Variants in TOGARAM1 observed in about 807,000 individuals in gnomAD.
TOGARAM1 encodes the protein TOG array regulator of axonemal microtubules 1.
In TOGARAM1, 100 loss-of-function variants were observed where a neutral mutation model predicts 166.6. That is an observed-to-expected ratio of 0.60 (90% CI 0.51 to 0.71). The LOEUF is 0.71. Among genes scored for constraint, TOGARAM1 ranks in the 30% least tolerant of loss-of-function variants. The pLI is 0.00. For synonymous variants in TOGARAM1, 758 were observed against 763.8 expected, an observed-to-expected ratio of 0.99 and a Z score of 0.13; for missense variants, 2,029 against 2,102.7, an observed-to-expected ratio of 0.96 and a Z score of 0.69.
rs369456010 is a variant in TOGARAM1, at chr14:45,011,366, G to A, written c.3138-609G>A. ...CTCACTGTGTCACTCAGGCTGGAGT[G>A]TAGTAGTTCAATCTCAGCTCACTGC... is the stretch of plus-strand genomic sequence containing the variant. On this transcript the variant is annotated intron_variant, in intron 6 of 19. Coordinates refer to ENST00000361462, the MANE Select transcript of TOGARAM1 (RefSeq NM_001308120.2). Among the ~76,000 whole-genome samples, 304 of 152,306 alleles carry A rather than the reference G, an allele frequency of 2.0e-3. 2 individuals are homozygous for A. Among genetic ancestry groups the A allele is most frequent in the African/African-American group, 6.4e-3 (266 of 41,574 alleles).
chr14:45,027,883 A>C (rs1880947126), intron 9 of TOGARAM1, among the ~76,000 whole-genome samples: 1 of 152,066 alleles, frequency 6.6e-6, no homozygotes, highest in African/African-American at 2.4e-5. Flanking sequence ...AGAAAAAAAA[A>C]AAAAAGAAAT....
intron 1 of TOGARAM1, among the ~76,000 whole-genome samples, chr14:44,987,961 T>C (rs1349240949): frequency 1.3e-5 from 2 of 151,930 alleles, no homozygotes; most frequent in South Asian, 2.1e-4. Flanking sequence ...TGTAGGGACA[T>C]GGATGAAGCT....
At chr14:45,029,508 A>G (rs1173074502) in intron 10 of TOGARAM1, among the ~76,000 whole-genome samples, 1 of 152,144 alleles carries the variant, frequency 6.6e-6, no homozygotes, top group Non-Finnish European at 1.5e-5. Flanking sequence ...TGCTTACACA[A>G]TTATTATCTT....
chr14:45,041,456 T>G (rs1881723469), intron 11 of TOGARAM1, among the ~76,000 whole-genome samples: 3 of 152,240 alleles, frequency 2.0e-5, no homozygotes, highest in Admixed American at 2.0e-4. Flanking sequence ...TCTGATAGTT[T>G]ATCCCAAAGT....
intron 5 of TOGARAM1, 134 bp from the exon 6 acceptor site, chr14:45,008,779 G>C: frequency 1.6e-6 from 1 of 608,574 alleles, no homozygotes; most frequent in Non-Finnish European, 2.8e-6. Flanking sequence ...ATATATATTA[G>C]TATTCATCTT....
At chr14:45,001,268 A>C (rs1887679982) in intron 3 of TOGARAM1, among the ~76,000 whole-genome samples, 1 of 152,216 alleles carries the variant, frequency 6.6e-6, no homozygotes, top group South Asian at 2.1e-4. Flanking sequence ...AATTTATTGA[A>C]GACTTAAATG....
intron 14 of TOGARAM1, among the ~76,000 whole-genome samples, chr14:45,051,046 T>G (rs1203289082): frequency 1.3e-5 from 2 of 152,202 alleles, no homozygotes; most frequent in Admixed American, 1.3e-4. Context: ...GACATCTGTG[T>G]GCTAAAATAT....
intron 16 of TOGARAM1, among the ~76,000 whole-genome samples, chr14:45,063,758 G>C (rs1470007511): frequency 6.6e-6 from 1 of 152,232 alleles, no homozygotes; most frequent in African/African-American, 2.4e-5. Context: ...GATTACAGGC[G>C]TGAGCCACTG....
intron 18 of TOGARAM1, among the ~76,000 whole-genome samples, chr14:45,070,190 GA>G (rs760002779): frequency 2.6e-5 from 4 of 151,342 alleles, no homozygotes; most frequent in African/African-American, 4.8e-5. Flanking sequence ...TCAAAAAAAA[GA>G]AAAAAAAGAT....
chr14:45,070,910 C>CTGTTGT lies in TOGARAM1; in HGVS notation c.4970-779_4970-774dup, dbSNP rs60368970. ...AAATGTAAAAACTGCTTCCCTTTTT[C>CTGTTGT]TGTTGTTGTTGTTGTTGTTGTTGTT... On this transcript the variant is annotated intron_variant, in intron 18 of 19. Coordinates refer to ENST00000361462, the MANE Select transcript of TOGARAM1 (RefSeq NM_001308120.2). 3.5e-3 allele frequency among the ~76,000 whole-genome samples: 529 copies of CTGTTGT among 151,646 alleles called. 5 individuals are homozygous for CTGTTGT. Among genetic ancestry groups the CTGTTGT allele is most frequent in the African/African-American group, 0.012 (505 of 41,356 alleles).
intron 11 of TOGARAM1, among the ~76,000 whole-genome samples, chr14:45,042,913 T>A (rs1056965059): frequency 5.9e-5 from 9 of 152,168 alleles, no homozygotes; most frequent in Non-Finnish European, 1.3e-4. Context: ...GTGTACCCGG[T>A]CACTCAGGAG....
At position 44,962,854 on chromosome 14, in the gene TOGARAM1, G is replaced by T. The variant is rs1223838756; in HGVS notation, c.433G>T (p.Val145Leu). The change falls in exon 1 of 20, where the codon GTG becomes TTG. Residue 145 changes from valine (V) to leucine (L), a missense_variant. By Grantham distance (32) the Val-to-Leu change is conservative. This residue lies in a region of TOGARAM1 where 1,453 missense variants were observed against 1,432.2 expected (regional missense o/e 1.01). Coordinates refer to ENST00000361462, the MANE Select transcript of TOGARAM1 (RefSeq NM_001308120.2). ...ALYRALGRVL[V>L]EGGSDEKRLC... ...GTATCGGGCACTGGGCCGAGTGCTTGTGGAAGGAGGTAGTGATGAGAAGCG... is the reference window on the plus strand; with the variant it reads ...GTATCGGGCACTGGGCCGAGTGCTTTTGGAAGGAGGTAGTGATGAGAAGCG... The T allele has an allele frequency of 6.2e-7, 1 of 1,613,586 alleles. No homozygotes were observed. The highest frequency in any genetic ancestry group is 1.1e-5 in the South Asian group (1 of 91,086).
chr14:44,980,649 C>T (rs188514557), intron 1 of TOGARAM1, among the ~76,000 whole-genome samples: 1 of 152,094 alleles, frequency 6.6e-6, no homozygotes, highest in Non-Finnish European at 1.5e-5. Context: ...CCACTGCACT[C>T]CAGCCATGGC....
chr14:44,964,953 A>T (rs1343486139), intron 1 of TOGARAM1, among the ~76,000 whole-genome samples: 84 of 146,352 alleles, frequency 5.7e-4, no homozygotes, highest in African/African-American at 1.9e-3. Context: ...TAGAAAAGTA[A>T]AAAAAAAAAA....
intron 14 of TOGARAM1, among the ~76,000 whole-genome samples, chr14:45,051,489 A>G (rs1238179993): frequency 6.6e-6 from 1 of 151,196 alleles, no homozygotes; most frequent in Non-Finnish European, 1.5e-5. Context: ...TCCATCTGGC[A>G]CATGGCAGAA....
chr14:45,025,086 A>G (rs1880751940), intron 7 of TOGARAM1, among the ~76,000 whole-genome samples: 1 of 152,352 alleles, frequency 6.6e-6, no homozygotes, highest in East Asian at 1.9e-4. Flanking sequence ...GTAGGATTGT[A>G]AATAAAGAAT....
At chr14:45,021,387 A>T (rs1880495037) in intron 7 of TOGARAM1, among the ~76,000 whole-genome samples, 1 of 152,200 alleles carries the variant, frequency 6.6e-6, no homozygotes, top group African/African-American at 2.4e-5. Context: ...CATTCTCCAT[A>T]GAAACTCTTG....
chr14:45,012,587 T>G (rs1879871439), intron 7 of TOGARAM1, among the ~76,000 whole-genome samples: 1 of 152,194 alleles, frequency 6.6e-6, no homozygotes, highest in South Asian at 2.1e-4. Flanking sequence ...TAATTAGTAG[T>G]CAATTAGAAA....
chr14:44,984,077 T>C (rs1178380036), intron 1 of TOGARAM1, among the ~76,000 whole-genome samples: 1 of 152,156 alleles, frequency 6.6e-6, no homozygotes. Context: ...ATGTGGAAAT[T>C]GAATTTAAGA....
Sources: gnomAD v4.1 joint callset for allele counts (sites outside exome capture counted in the v4.1 genomes callset) on GRCh38, gnomAD v4.1.1 for gene constraint, gnomAD v4.1.1 regional missense constraint, MANE v1.5 for transcripts, NCBI Gene and HGNC (gene_info 2026-07-23, HGNC 2026-07-21) for gene names.